NUDT3: variants seen among roughly 807,000 people sequenced by gnomAD.
NUDT3 encodes diphosphoinositol polyphosphate phosphohydrolase 1.
In NUDT3, 9 loss-of-function variants were observed where a neutral mutation model predicts 23.6. The observed-to-expected ratio is 0.38, with a 90% CI of 0.23 to 0.66. The LOEUF (loss-of-function observed/expected upper bound fraction) is 0.66. NUDT3 is among the 30% of genes least tolerant of loss of function. The pLI is 0.52. For missense variants in NUDT3, 172 were observed against 218.5 expected (o/e 0.79, Z 1.34); for synonymous variants, 86 against 82.6 (o/e 1.04, Z -0.22).
At chr6:34,353,101 T>G (rs926543069) in intron 1 of NUDT3, among the ~76,000 whole-genome samples, 1 of 152,206 alleles carries the variant, frequency 6.6e-6, no homozygotes, top group Non-Finnish European at 1.5e-5. Flanking sequence ...TTGTGAAGAC[T>G]TCTAGAGATA....
intron 2 of NUDT3, among the ~76,000 whole-genome samples, chr6:34,316,415 A>G (rs1260836673): frequency 1.3e-5 from 2 of 152,210 alleles, no homozygotes; most frequent in African/African-American, 4.8e-5. Context: ...CCTCATCTAA[A>G]GGACAGGACT....
intron 1 of NUDT3, among the ~76,000 whole-genome samples, chr6:34,384,591 G>T (rs1306114946): frequency 6.6e-6 from 1 of 152,168 alleles, no homozygotes; most frequent in African/African-American, 2.4e-5. Flanking sequence ...AATCTCACTG[G>T]AAGTACTTTA....
rs2113688155 is a variant in NUDT3 at position 34,287,276 on chromosome 6, C to T, written c.*1477G>A. ...TTTCACATCTTGGCTAAGGAGATGC[C>T]ACTGGAGTACAGAGATAATCTCCTG... On this transcript the variant is annotated 3_prime_UTR_variant, in exon 5 of 5. Transcript: ENST00000607016. 6.6e-6 allele frequency: 1 copy of T among 152,272 alleles called. No individual in the cohort carries two copies. 9.4% of individuals were successfully genotyped at this position (152,272 alleles called of 1,614,324 possible).
chr6:34,360,924 G>A (rs1320722189), intron 1 of NUDT3, among the ~76,000 whole-genome samples: 1 of 152,092 alleles, frequency 6.6e-6, no homozygotes, highest in Non-Finnish European at 1.5e-5. Flanking sequence ...ACCTCATGAA[G>A]AAATATATAC....
At chr6:34,368,725 A>G (rs1361573362) in intron 1 of NUDT3, among the ~76,000 whole-genome samples, 1 of 151,960 alleles carries the variant, frequency 6.6e-6, no homozygotes, top group Non-Finnish European at 1.5e-5. Flanking sequence ...TGCAAACTCC[A>G]CCTCCTGGGT....
chr6:34,294,557 C>T (rs368314172), intron 3 of NUDT3, among the ~76,000 whole-genome samples: 1 of 151,842 alleles, frequency 6.6e-6, no homozygotes, highest in Non-Finnish European at 1.5e-5. Flanking sequence ...TGAAACCTGT[C>T]TCTACTAAAA....
chr6:34,349,631 G>A (rs1365954270), intron 1 of NUDT3, among the ~76,000 whole-genome samples: 3 of 150,524 alleles, frequency 2.0e-5, no homozygotes, highest in African/African-American at 7.4e-5. Flanking sequence ...GGGAACATGG[G>A]CATTTGCAAA....
At chr6:34,364,554 A>G (rs1239103244) in intron 1 of NUDT3, among the ~76,000 whole-genome samples, 1 of 152,188 alleles carries the variant, frequency 6.6e-6, no homozygotes, top group Non-Finnish European at 1.5e-5. Flanking sequence ...AAACAACGGG[A>G]AGTCATACAT....
chr6:34,346,186 T>G (rs1410857308), intron 1 of NUDT3, among the ~76,000 whole-genome samples: 1 of 152,098 alleles, frequency 6.6e-6, no homozygotes, highest in African/African-American at 2.4e-5. Context: ...AATATAAGCA[T>G]GTAAGTTAAT....
intron 4 of NUDT3, among the ~76,000 whole-genome samples, chr6:34,291,101 G>A (rs1763415003): frequency 6.6e-6 from 1 of 151,858 alleles, no homozygotes; most frequent in Admixed American, 6.6e-5. Context: ...TGGGACTACA[G>A]GTGCACACCA....
rs1763289519 is a variant in NUDT3, at chr6:34,282,378, A to C, written c.*6375T>G. ...ATATTACTGGCAAAATGATTTTCCAAAGCTGAGCCACGCGCCCCACCCTAC... is the reference window on the plus strand; with the variant it reads ...ATATTACTGGCAAAATGATTTTCCACAGCTGAGCCACGCGCCCCACCCTAC... On this transcript the variant is annotated 3_prime_UTR_variant, in exon 5 of 5. Coordinates refer to ENST00000607016, the MANE Select transcript of NUDT3 (RefSeq NM_006703.4). The C allele has an allele frequency of 6.6e-6, 1 of 152,184 alleles. No homozygotes were observed. The highest frequency in any genetic ancestry group is 6.6e-5 in the Admixed American group (1 of 15,260). 9.4% of individuals were successfully genotyped at this position (152,184 alleles called of 1,614,324 possible).
At chr6:34,318,136 G>C (rs996404471) in intron 2 of NUDT3, among the ~76,000 whole-genome samples, 1 of 152,072 alleles carries the variant, frequency 6.6e-6, no homozygotes, top group African/African-American at 2.4e-5. Flanking sequence ...AATATAGAAC[G>C]GAATTTCAGC....
intron 2 of NUDT3, among the ~76,000 whole-genome samples, chr6:34,325,203 A>G (rs1192171305): frequency 1.3e-5 from 2 of 151,948 alleles, no homozygotes; most frequent in African/African-American, 4.8e-5. Flanking sequence ...ATATGCTTTC[A>G]CTGATTACTT....
intron 2 of NUDT3, among the ~76,000 whole-genome samples, chr6:34,333,866 C>T (rs1581872047): frequency 6.6e-6 from 1 of 152,366 alleles, no homozygotes; most frequent in East Asian, 1.9e-4. Context: ...ATGAAGTTGT[C>T]ACTAGGCAAA....
chr6:34,294,676 A>G (rs1015054775), intron 3 of NUDT3, among the ~76,000 whole-genome samples: 1 of 151,774 alleles, frequency 6.6e-6, no homozygotes, highest in Non-Finnish European at 1.5e-5. Context: ...TGGTGAGCCG[A>G]CATCGCACCA....
chr6:34,337,569 T>C (rs567260444), intron 2 of NUDT3, among the ~76,000 whole-genome samples: 1 of 152,336 alleles, frequency 6.6e-6, no homozygotes, highest in African/African-American at 2.4e-5. Context: ...CAATACCCTA[T>C]ATCCTTCCTA....
chr6:34,382,893 C>T (rs993504594), intron 1 of NUDT3, among the ~76,000 whole-genome samples: 4 of 151,588 alleles, frequency 2.6e-5, no homozygotes, highest in Admixed American at 2.0e-4. Flanking sequence ...TTTGGGAGGC[C>T]GAGGAGGGTG....
intron 4 of NUDT3, among the ~76,000 whole-genome samples, chr6:34,289,560 T>G (rs1295006658): frequency 2.0e-5 from 3 of 152,152 alleles, no homozygotes; most frequent in Admixed American, 1.3e-4. Context: ...AGTGAGACCC[T>G]GTCCCAAGGG....
chr6:34,346,793 T>C (rs1158231925), intron 1 of NUDT3, among the ~76,000 whole-genome samples: 1 of 152,154 alleles, frequency 6.6e-6, no homozygotes, highest in Non-Finnish European at 1.5e-5. Context: ...TCTCATTCTG[T>C]TGCCCAGGCT....
Sources: gnomAD v4.1 joint callset for allele counts (sites outside exome capture counted in the v4.1 genomes callset) on GRCh38, gnomAD v4.1.1 for gene constraint, MANE v1.5 for transcripts, NCBI Gene and HGNC (gene_info 2026-07-23, HGNC 2026-07-21) for gene names.